Variants in DOCK1 observed in about 807,000 individuals in gnomAD.
DOCK1 encodes dedicator of cytokinesis 1.
Under a neutral mutation model 262.7 loss-of-function variants are expected in DOCK1, and 138 were observed. The ratio of observed to expected loss-of-function variants is 0.53; its 90% CI spans 0.46 to 0.61. The LOEUF (loss-of-function observed/expected upper bound fraction) is 0.61. DOCK1 is among the 20% of genes least tolerant of loss of function. DOCK1 has a pLI of 0.00. For synonymous variants in DOCK1, 866 were observed against 867.4 expected (o/e 1.00, Z 0.03); for missense variants, 1,908 against 2,370.7 (o/e 0.80, Z 4.05).
At chr10:127,374,766 A>T (rs1439228062) in intron 35 of DOCK1, among the ~76,000 whole-genome samples, 5 of 152,190 alleles carry the variant, frequency 3.3e-5, no homozygotes, top group Non-Finnish European at 5.9e-5. Context: ...AACAGGCTAG[A>T]CCTTGTGAAG....
At chr10:126,934,630 G>GT (rs1447654386) in intron 1 of DOCK1, among the ~76,000 whole-genome samples, 45 of 150,952 alleles carry the variant, frequency 3.0e-4, no homozygotes, top group African/African-American at 9.3e-4. Flanking sequence ...TTTTTGTTTT[G>GT]TTTTTTTCCT....
intron 11 of DOCK1, among the ~76,000 whole-genome samples, chr10:127,010,798 T>A (rs1309751510): frequency 1.3e-5 from 2 of 152,240 alleles, no homozygotes; most frequent in Non-Finnish European, 2.9e-5. Flanking sequence ...TGCCTCATTC[T>A]CTCATGAGAA....
chr10:127,266,506 C>T (rs370302348), intron 29 of DOCK1, among the ~76,000 whole-genome samples: 5 of 135,578 alleles, frequency 3.7e-5, no homozygotes, highest in Non-Finnish European at 8.3e-5. Context: ...CACACACACA[C>T]ATATATATAG....
intron 23 of DOCK1, among the ~76,000 whole-genome samples, chr10:127,062,564 T>C (rs537353004): frequency 6.6e-6 from 1 of 152,332 alleles, no homozygotes; most frequent in African/African-American, 2.4e-5. Context: ...GCTAAGGGGC[T>C]GTGGGCCCTG....
chr10:127,272,584 T>C (rs1037322673), intron 29 of DOCK1, among the ~76,000 whole-genome samples: 1 of 152,240 alleles, frequency 6.6e-6, no homozygotes, highest in Non-Finnish European at 1.5e-5. Context: ...AAAAAATCTC[T>C]TTTTCTAGCT....
chr10:127,237,204 T>C (rs1169066837), intron 27 of DOCK1, among the ~76,000 whole-genome samples: 2 of 151,394 alleles, frequency 1.3e-5, no homozygotes, highest in African/African-American at 4.9e-5. Context: ...ACTAAAAATA[T>C]GAAAAATTAG....
intron 23 of DOCK1, among the ~76,000 whole-genome samples, chr10:127,082,318 C>T (rs7068057): frequency 0.28 from 43,113 of 151,918 alleles, 6,279 homozygotes; most frequent in Middle Eastern, 0.37. Flanking sequence ...TCTATTCTCA[C>T]GCTGCCAATA....
rs530979127 is a variant in DOCK1, at chr10:127,320,073, G to C, written c.3045-18933G>C. Among the ~76,000 whole-genome samples the C allele has an allele frequency of 2.0e-5, 3 of 152,284 alleles. No individual in the cohort carries two copies. The East Asian group carries it at 5.8e-4, about 29-fold the overall frequency. On this transcript the variant is annotated intron_variant, in intron 29 of 51. Transcript: ENST00000623213. ...ACAAGTTAGAAGCCAGAGCCCTTGTGCACTCATCGGTGCCCACAATAACTC... is the reference window on the plus strand; with the variant it reads ...ACAAGTTAGAAGCCAGAGCCCTTGTCCACTCATCGGTGCCCACAATAACTC...
chr10:127,395,773 A>G (rs896412737), intron 38 of DOCK1, among the ~76,000 whole-genome samples: 1 of 144,830 alleles, frequency 6.9e-6, no homozygotes, highest in Admixed American at 6.8e-5. Context: ...TGAGACTTCA[A>G]GTTAGCAGAT....
rs1591799837 is a variant in DOCK1 at position 127,046,676 on chromosome 10, G to T, written c.2201+3512G>T. Among the ~76,000 whole-genome samples, 3 of 147,614 alleles carry T rather than the reference G, an allele frequency of 2.0e-5. No homozygotes were observed. In the South Asian group the frequency reaches 6.4e-4, roughly 31 times the overall value. ...ATCAGAAGGCTGAGGTAGGAGAATC[G>T]CTTGAACCTGGGAGGCAGAGGTTGC... is the stretch of plus-strand genomic sequence containing the variant. On this transcript the variant is annotated intron_variant, in intron 21 of 51. Coordinates refer to ENST00000623213, the MANE Select transcript of DOCK1 (RefSeq NM_001290223.2).
At position 127,418,554 on chromosome 10, in the gene DOCK1, C is replaced by T. The variant is rs1383380252; in HGVS notation, c.4692+13C>T. The T allele has an allele frequency of 6.2e-7, 1 of 1,608,256 alleles. No homozygotes were observed. Among genetic ancestry groups the T allele is most frequent in the Non-Finnish European group, 8.5e-7 (1 of 1,177,466 alleles). On this transcript the variant is annotated intron_variant, in intron 45 of 51. Coordinates refer to ENST00000623213, the MANE Select transcript of DOCK1 (RefSeq NM_001290223.2). ...AAACTACGAAAAGGTACGGGACCCA[C>T]CAGCTTGCTCTGGGCAAGCAGTCCT...
intron 29 of DOCK1, among the ~76,000 whole-genome samples, chr10:127,260,136 C>T (rs1027561314): frequency 3.9e-5 from 6 of 152,328 alleles, no homozygotes; most frequent in Middle Eastern, 6.8e-3. Flanking sequence ...CTCACTAGAG[C>T]CCCTTCACAG....
chr10:127,125,950 T>C (rs1269940645), intron 26 of DOCK1, among the ~76,000 whole-genome samples: 2 of 152,132 alleles, frequency 1.3e-5, no homozygotes, highest in East Asian at 3.8e-4. Context: ...AAGTAATACA[T>C]GCACAAAGTT....
At chr10:127,440,322 C>T (rs533880848) in intron 49 of DOCK1, among the ~76,000 whole-genome samples, 286 of 152,218 alleles carry the variant, frequency 1.9e-3, no homozygotes, top group Non-Finnish European at 3.0e-3. Flanking sequence ...TGGCCGCACC[C>T]CCAACATTTC....
At chr10:127,017,329 A>G (rs942708033) in intron 12 of DOCK1, among the ~76,000 whole-genome samples, 2 of 126,522 alleles carry the variant, frequency 1.6e-5, no homozygotes, top group African/African-American at 6.3e-5. Flanking sequence ...AGACATATAT[A>G]TATACACTCA....
At chr10:126,983,732 T>A (rs954160681) in intron 4 of DOCK1, among the ~76,000 whole-genome samples, 1 of 152,228 alleles carries the variant, frequency 6.6e-6, no homozygotes, top group Non-Finnish European at 1.5e-5. Context: ...GAAGGATCTC[T>A]TTTGCTTTGT....
chr10:126,999,611 A>T (rs2040442158), intron 9 of DOCK1, among the ~76,000 whole-genome samples, 176 bp downstream of exon 9: 1 of 152,218 alleles, frequency 6.6e-6, no homozygotes, highest in Admixed American at 6.5e-5. Context: ...GTCTCTAGCC[A>T]CCCTTAGAAT....
chr10:127,088,763 G>C (rs1204692773), intron 23 of DOCK1, among the ~76,000 whole-genome samples: 1 of 152,130 alleles, frequency 6.6e-6, no homozygotes, highest in Admixed American at 6.5e-5. Flanking sequence ...AAGGGACTTA[G>C]AATCCCATGG....
chr10:127,125,094 G>A (rs1329835451), intron 25 of DOCK1, among the ~76,000 whole-genome samples: 1 of 152,148 alleles, frequency 6.6e-6, no homozygotes, highest in African/African-American at 2.4e-5. Flanking sequence ...TCCAGCCTGG[G>A]CGACAGAGCA....
Sources: allele counts gnomAD v4.1 joint callset (sites outside exome capture counted in the v4.1 genomes callset), GRCh38; gene constraint gnomAD v4.1.1; transcripts MANE v1.5; gene names NCBI Gene and HGNC (gene_info 2026-07-23, HGNC 2026-07-21).